Variants in RRP1B observed in about 807,000 individuals in gnomAD.
RRP1B encodes ribosomal RNA processing 1B, also known as ribosomal RNA processing protein 1 homolog B.
Under a neutral mutation model 80.2 loss-of-function variants are expected in RRP1B, and 56 were observed. The ratio of observed to expected loss-of-function variants is 0.70; its 90% confidence interval spans 0.56 to 0.87. RRP1B has a LOEUF of 0.87. Ranked by LOEUF, RRP1B falls within the 40% of genes least tolerant of loss-of-function variation. RRP1B has a pLI of 0.00. For missense variants in RRP1B, 807 were observed against 939.8 expected (o/e 0.86, Z 1.85); for synonymous variants, 351 against 357.6 (o/e 0.98, Z 0.21).
intron 1 of RRP1B, among the ~76,000 whole-genome samples, chr21:43,663,283 T>G (rs2082965272): frequency 6.6e-6 from 1 of 152,210 alleles, no homozygotes; most frequent in African/African-American, 2.4e-5. Context: ...TTTTGTTTTT[T>G]GAGACAGAGT....
At position 43,693,248 on chromosome 21, in the gene RRP1B, C is replaced by T. The variant is rs1271295257; in HGVS notation, c.2142C>T (p.Ala714=). Residue 714 remains alanine (A), a synonymous_variant, in exon 16 of 16, where the codon GCC becomes GCT. Coordinates refer to ENST00000340648, the MANE Select transcript of RRP1B (RefSeq NM_015056.3). This position sits in a 1 kb window ranked among gnomAD's most constrained non-coding sequence, Gnocchi z 4.1. The stretch of plus-strand genomic sequence containing the variant: ...GTCCCACGGGCCCTTCTCGAGTGGC[C>T]TTCGACCCTGAACAGAAGCCCCTCC... ...LVSPTGPSRV[A]FDPEQKPLHG... The T allele has an allele frequency of 1.2e-6, 2 of 1,614,054 alleles. No homozygotes were observed. The highest frequency in any genetic ancestry group is 2.2e-5 in the South Asian group (2 of 91,076).
Position 43,687,805 on chromosome 21 carries a change from G to T in RRP1B, c.1431G>T (p.Lys477Asn). ...PMHNKRKRPRKKSPRAHREML... is the reference protein window; with the variant it reads ...PMHNKRKRPRNKSPRAHREML... The stretch of plus-strand genomic sequence containing the variant: ...ACAATAAAAGGAAACGGCCACGGAA[G>T]AAGAGCCCGAGGGCCCACAGGGAAA... The change falls in exon 13 of 16, where the codon AAG (lysine) becomes AAT (asparagine). Residue 477 changes from lysine (K) to asparagine (N), a missense_variant. Transcript: ENST00000340648. 6.2e-7 allele frequency: 1 copy of T among 1,613,268 alleles called. No homozygotes were observed. Among genetic ancestry groups the T allele is most frequent in the Non-Finnish European group, 8.5e-7 (1 of 1,180,046 alleles).
chr21:43,674,580 C>A (rs967766409), intron 4 of RRP1B, 56 bp from the exon 5 acceptor site: 11 of 941,708 alleles, frequency 1.2e-5, no homozygotes, highest in Non-Finnish European at 1.6e-5. Flanking sequence ...ATATTTCTTA[C>A]CTTTCCTTTT....
rs139627725 is a variant in RRP1B, at chr21:43,681,555, G to A, written c.797-1724G>A. ...TCTATCTTTTGGTCAGGCTGGTCTC[G>A]AACTCCCGACCTCAGTTGATCCGCC... On this transcript the variant is annotated intron_variant, in intron 8 of 15. Coordinates refer to ENST00000340648, the MANE Select transcript of RRP1B (RefSeq NM_015056.3). Among the ~76,000 whole-genome samples the A allele has an allele frequency of 8.4e-3, 1,273 of 152,180 alleles. 16 individuals are homozygous for A. Among genetic ancestry groups the A allele is most frequent in the African/African-American group, 0.028 (1,151 of 41,532 alleles).
At chr21:43,690,653 C>A (rs558511935) in intron 14 of RRP1B, among the ~76,000 whole-genome samples, 1 of 152,034 alleles carries the variant, frequency 6.6e-6, no homozygotes, top group Non-Finnish European at 1.5e-5. Context: ...CTTTGAGGGG[C>A]GGTTGATCCA....
In RRP1B at chr21:43,687,168, C is replaced by T. The variant is rs143742881; in HGVS notation, c.1141+233C>T. On this transcript the variant is annotated intron_variant, in intron 12 of 15. Transcript: ENST00000340648. ...CCGCCTGCTCTCCAGGGCACCTCTG[C>T]AGGGAAGCAGGAGCTGCAGGGAGCA... Among the ~76,000 whole-genome samples the T allele has an allele frequency of 6.6e-5, 10 of 152,322 alleles. No homozygotes were observed. In the East Asian group the frequency reaches 1.9e-3, roughly 29 times the overall value.
intron 8 of RRP1B, among the ~76,000 whole-genome samples, chr21:43,682,335 G>A (rs928281528): frequency 2.6e-5 from 4 of 152,142 alleles, no homozygotes; most frequent in Non-Finnish European, 5.9e-5. Context: ...TCCTCCCCAG[G>A]CCTTGCCCTG....
At chr21:43,674,828 A>G (rs2083015150) in intron 5 of RRP1B, 131 bp downstream of exon 5, 2 of 1,031,558 alleles carry the variant, frequency 1.9e-6, no homozygotes, top group Admixed American at 2.4e-5. Flanking sequence ...ATTGAAATCC[A>G]GTAGAAGGCA....
intron 6 of RRP1B, among the ~76,000 whole-genome samples, chr21:43,675,577 A>G (rs2083018544): frequency 6.6e-6 from 1 of 152,262 alleles, no homozygotes; most frequent in Admixed American, 6.5e-5. Flanking sequence ...GGGAATGTGC[A>G]CAGATTTTAC....
In RRP1B at chr21:43,680,140, G is replaced by A. The variant is rs138956973; in HGVS notation, c.797-3139G>A. ...ATATGATTGTATCATCGGCAAACACGGACTTTGACTTCCTCTTTACCAGTT... is the reference window on the plus strand; with the variant it reads ...ATATGATTGTATCATCGGCAAACACAGACTTTGACTTCCTCTTTACCAGTT... On this transcript the variant is annotated intron_variant, in intron 8 of 15. Transcript: ENST00000340648. Among the ~76,000 whole-genome samples, 619 of 152,194 alleles carry A rather than the reference G, an allele frequency of 4.1e-3. 3 individuals are homozygous for A. Among genetic ancestry groups the A allele is most frequent in the Non-Finnish European group, 7.0e-3 (473 of 68,022 alleles).
intron 8 of RRP1B, 43 bp from the exon 9 acceptor site, chr21:43,683,236 A>G: frequency 6.7e-7 from 1 of 1,494,980 alleles, no homozygotes; most frequent in Non-Finnish European, 9.3e-7. Flanking sequence ...ACTTCTGTGT[A>G]TTTGATATGT....
At chr21:43,667,737 C>T (rs2082984019) in intron 1 of RRP1B, among the ~76,000 whole-genome samples, 1 of 152,166 alleles carries the variant, frequency 6.6e-6, no homozygotes, top group Non-Finnish European at 1.5e-5. Flanking sequence ...GTTTATTACT[C>T]ATACCATACT....
At chr21:43,670,080 C>A (rs2082993668) in intron 2 of RRP1B, 114 bp downstream of exon 2, 2 of 615,512 alleles carry the variant, frequency 3.2e-6, no homozygotes, top group Non-Finnish European at 5.4e-6. Context: ...GACAGTCATG[C>A]TTCAAGGAGT....
At chr21:43,692,098 C>T (rs1265902361) in intron 15 of RRP1B, among the ~76,000 whole-genome samples, 3 of 152,130 alleles carry the variant, frequency 2.0e-5, no homozygotes, top group Admixed American at 2.0e-4. Context: ...TCCAAAAAGC[C>T]GTTTTCCCAA....
At chr21:43,674,464 T>C (rs1376146870) in intron 4 of RRP1B, among the ~76,000 whole-genome samples, 172 bp from the exon 5 acceptor site, 2 of 152,146 alleles carry the variant, frequency 1.3e-5, no homozygotes, top group African/African-American at 4.8e-5. Context: ...GCTATGAATA[T>C]GTTTTTTGAT....
Position 43,691,503 on chromosome 21 carries a change from G to C in RRP1B, c.2083+1G>C. On this transcript the variant is annotated splice_donor_variant, in intron 15 of 15. Coordinates refer to ENST00000340648, the MANE Select transcript of RRP1B (RefSeq NM_015056.3). LOFTEE classifies it high-confidence loss of function. This position sits in a 1 kb window ranked among gnomAD's most constrained non-coding sequence, Gnocchi z 4.2. ...GGGCTGAACAGAAACATGACTGCCG[G>C]TAAGTGGGGTTTTGCCAGCGGCAAG... 2 of 1,613,986 alleles carry C rather than the reference G, an allele frequency of 1.2e-6. No individual in the cohort carries two copies. The highest frequency in any genetic ancestry group is 1.7e-6 in the Non-Finnish European group (2 of 1,179,894).
In RRP1B at chr21:43,682,653, C is replaced by A. The variant is rs893895664; in HGVS notation, c.797-626C>A. ...CGTGTCCCATCCGCTTGCCTGCGTC[C>A]CTGGACAGGAGCTTCCCATGCACCG... On this transcript the variant is annotated intron_variant, in intron 8 of 15. Transcript: ENST00000340648. Among the ~76,000 whole-genome samples, 12 of 152,354 alleles carry A rather than the reference C, an allele frequency of 7.9e-5. No homozygotes were observed. In the East Asian group the frequency reaches 1.5e-3, roughly 20 times the overall value.
chr21:43,677,067 T>G (rs1601756155), intron 8 of RRP1B, among the ~76,000 whole-genome samples, 153 bp downstream of exon 8: 1 of 152,200 alleles, frequency 6.6e-6, no homozygotes, highest in South Asian at 2.1e-4. Flanking sequence ...CAGAGGTGGG[T>G]TCATTGTGCC....
In RRP1B at chr21:43,673,491, G is replaced by A. The variant is rs150209913; in HGVS notation, c.272-379G>A. Among the ~76,000 whole-genome samples the A allele has an allele frequency of 6.1e-4, 92 of 152,058 alleles. No homozygotes were observed. In the East Asian group the frequency reaches 0.017, roughly 27 times the overall value. On this transcript the variant is annotated intron_variant, in intron 3 of 15. Transcript: ENST00000340648. ...TTTACTAAAAATACAAATATTAGCC[G>A]GGTGTGGTGGTGCACACCTGTAATC...
Sources: gnomAD v4.1 joint callset for allele counts (sites outside exome capture counted in the v4.1 genomes callset) on GRCh38, gnomAD v4.1.1 for gene constraint, Gnocchi (gnomAD v3.1) non-coding constraint, MANE v1.5 for transcripts, NCBI Gene and HGNC (gene_info 2026-07-23, HGNC 2026-07-21) for gene names.